SYT1: variants seen among roughly 807,000 people sequenced by gnomAD.
SYT1 encodes synaptotagmin-1.
A neutral mutation model predicts 44.8 loss-of-function variants in SYT1; 8 were observed. That is an observed-to-expected ratio of 0.18 (90% CI 0.10 to 0.32). The LOEUF is 0.32. Ranked by LOEUF, SYT1 falls within the 10% of genes least tolerant of loss-of-function variation. SYT1 has a pLI of 1.00. For synonymous variants in SYT1, 154 were observed against 188.8 expected (o/e 0.82, Z 1.51); for missense variants, 286 against 509.3 (o/e 0.56, Z 4.22).
intron 4 of SYT1, among the ~76,000 whole-genome samples, chr12:79,234,099 TTCTC>T (rs920080455): frequency 3.3e-5 from 5 of 152,056 alleles, no homozygotes; most frequent in Non-Finnish European, 7.4e-5. Context: ...CTAACATTCT[TTCTC>T]TCTCTCTGTC....
intron 4 of SYT1, among the ~76,000 whole-genome samples, chr12:79,267,570 G>C (rs1285875471): frequency 6.6e-6 from 1 of 152,198 alleles, no homozygotes; most frequent in African/African-American, 2.4e-5. Context: ...TTAGAAATCA[G>C]AACTCAAGAA....
rs552333574 is a variant in SYT1 at position 79,284,201 on chromosome 12, A to C, written c.167-1586A>C. Among the ~76,000 whole-genome samples the C allele has an allele frequency of 2.6e-5, 4 of 152,236 alleles. No individual in the cohort carries two copies. In the South Asian group the frequency reaches 8.3e-4, roughly 32 times the overall value. ...CCTTCCAATCTAACTGAAATCATAA[A>C]TGTTTCCATGTCACCTTATTTTTTA... On this transcript the variant is annotated intron_variant, in intron 4 of 10. Coordinates refer to ENST00000261205, the MANE Select transcript of SYT1 (RefSeq NM_005639.3).
At chr12:79,056,185 T>A (rs1874927717) in intron 3 of SYT1, among the ~76,000 whole-genome samples, 1 of 151,840 alleles carries the variant, frequency 6.6e-6, no homozygotes, top group Non-Finnish European at 1.5e-5. Context: ...GTACCCCTGT[T>A]GTTGAGTGAT....
chr12:79,029,168 T>A (rs1872696111), intron 2 of SYT1, among the ~76,000 whole-genome samples: 1 of 151,220 alleles, frequency 6.6e-6, no homozygotes, highest in Non-Finnish European at 1.5e-5. Context: ...ATTCAATACC[T>A]CACCCTTGCA....
At chr12:79,168,997 G>A (rs1208474247) in intron 3 of SYT1, among the ~76,000 whole-genome samples, 1 of 151,974 alleles carries the variant, frequency 6.6e-6, no homozygotes, top group Admixed American at 6.6e-5. Flanking sequence ...CCAGTTGAAT[G>A]CTTTTGTGAA....
At chr12:79,420,013 G>A (rs182224832) in intron 9 of SYT1, among the ~76,000 whole-genome samples, 3 of 152,150 alleles carry the variant, frequency 2.0e-5, no homozygotes, top group East Asian at 1.9e-4. Flanking sequence ...TTAAAGTAAC[G>A]TTGTTACTTT....
intron 3 of SYT1, among the ~76,000 whole-genome samples, chr12:79,200,768 A>G (rs1222739867): frequency 6.6e-6 from 1 of 152,166 alleles, no homozygotes; most frequent in Non-Finnish European, 1.5e-5. Context: ...ATTAATCAAT[A>G]TTAGATTCCA....
chr12:79,438,557 T>A (rs1870224216), intron 9 of SYT1, among the ~76,000 whole-genome samples: 1 of 152,268 alleles, frequency 6.6e-6, no homozygotes, highest in African/African-American at 2.4e-5. Context: ...GTCTGCCCCA[T>A]GAATTGTATT....
intron 9 of SYT1, among the ~76,000 whole-genome samples, chr12:79,390,154 C>T (rs1175223002): frequency 2.0e-5 from 3 of 151,962 alleles, no homozygotes; most frequent in African/African-American, 7.3e-5. Flanking sequence ...AGGATGGTCT[C>T]GATCTCCTGA....
At chr12:79,378,558 C>T (rs1884092514) in intron 9 of SYT1, among the ~76,000 whole-genome samples, 1 of 152,180 alleles carries the variant, frequency 6.6e-6, no homozygotes, top group South Asian at 2.1e-4. Context: ...AAAAACAAAT[C>T]TTGCTCCTGA....
chr12:78,990,688 T>G (rs73351437), intron 2 of SYT1, among the ~76,000 whole-genome samples: 1,802 of 152,282 alleles, frequency 0.012, 37 homozygotes, highest in African/African-American at 0.039. Flanking sequence ...TATCTTATGT[T>G]TGTGTCTCCT....
At chr12:79,209,537 C>T (rs573037352) in intron 3 of SYT1, among the ~76,000 whole-genome samples, 99 of 152,274 alleles carry the variant, frequency 6.5e-4, no homozygotes, top group African/African-American at 2.3e-3. Context: ...TGAACTAAAT[C>T]GAGGCCAGCA....
chr12:78,947,537 A>AAAAAT (rs1565731761), intron 1 of SYT1, among the ~76,000 whole-genome samples: 1 of 151,716 alleles, frequency 6.6e-6, no homozygotes, highest in East Asian at 1.9e-4. Flanking sequence ...AAAAAAAAAA[A>AAAAAT]ATTCACTTAG....
intron 3 of SYT1, among the ~76,000 whole-genome samples, chr12:79,109,024 G>C (rs542510818): frequency 2.0e-5 from 3 of 152,178 alleles, no homozygotes; most frequent in Non-Finnish European, 2.9e-5. Context: ...CATGAGGAGG[G>C]CAGGGTTCAA....
intron 9 of SYT1, among the ~76,000 whole-genome samples, chr12:79,383,881 T>C (rs1388944481): frequency 6.6e-6 from 1 of 152,178 alleles, no homozygotes; most frequent in East Asian, 1.9e-4. Context: ...TAGAACACTA[T>C]AAAAACTAAA....
At chr12:79,210,660 T>G (rs2895693) in intron 3 of SYT1, among the ~76,000 whole-genome samples, 4,293 of 152,326 alleles carry the variant, frequency 0.028, 119 homozygotes, top group East Asian at 0.12. Flanking sequence ...GATGGACATT[T>G]GGGTTGGTTC....
At chr12:79,043,948 A>T (rs1873795829) in intron 2 of SYT1, among the ~76,000 whole-genome samples, 1 of 152,164 alleles carries the variant, frequency 6.6e-6, no homozygotes, top group Non-Finnish European at 1.5e-5. Flanking sequence ...AATGTTGAAT[A>T]TTGGCCCCCA....
At chr12:79,236,159 G>T (rs1014058487) in intron 4 of SYT1, among the ~76,000 whole-genome samples, 6 of 152,072 alleles carry the variant, frequency 3.9e-5, no homozygotes, top group Non-Finnish European at 8.8e-5. Flanking sequence ...TTCCATTTAT[G>T]GCCAGCCCAT....
chr12:79,142,464 G>A (rs1255699041), intron 3 of SYT1, among the ~76,000 whole-genome samples: 1 of 152,122 alleles, frequency 6.6e-6, no homozygotes, highest in Non-Finnish European at 1.5e-5. Context: ...CTAAAAATGT[G>A]ACCATAAAAA....
Sources: gnomAD v4.1 joint callset for allele counts (sites outside exome capture counted in the v4.1 genomes callset) on GRCh38, gnomAD v4.1.1 for gene constraint, MANE v1.5 for transcripts, NCBI Gene and HGNC (gene_info 2026-07-23, HGNC 2026-07-21) for gene names.